The following OSBPL11 variants were observed in gnomAD, a reference collection of about 807,000 sequenced individuals.
OSBPL11 encodes oxysterol-binding protein-related protein 11.
OSBPL11 carries 33 observed loss-of-function variants against 84.4 expected under a neutral mutation model. The observed-to-expected ratio is 0.39, with a 90% confidence interval of 0.30 to 0.52. The LOEUF is 0.52. Ranked by LOEUF, OSBPL11 falls within the 20% of genes least tolerant of loss-of-function variation. OSBPL11 has a pLI of 0.72. For synonymous variants in OSBPL11, 276 were observed against 310.2 expected (o/e 0.89, Z 1.16); for missense variants, 736 against 901.1 (o/e 0.82, Z 2.35).
chr3:125,595,445 G>C lies in OSBPL11; in HGVS notation c.-645C>G, dbSNP rs1369158386. Among the ~76,000 whole-genome samples the C allele has an allele frequency of 6.6e-6, 1 of 152,156 alleles. No homozygotes were observed. The highest frequency in any genetic ancestry group is 1.5e-5 in the Non-Finnish European group (1 of 68,012). ...TGCCCCTGGCCCGGGCCCTCGACTG[G>C]GTTCCCAGGAGCCGGTGAGTCTCTC... On this transcript the variant is annotated 5_prime_UTR_variant, in exon 1 of 13. Transcript: ENST00000296220.
At chr3:125,589,336 C>T (rs1936562556) in intron 1 of OSBPL11, among the ~76,000 whole-genome samples, 1 of 126,862 alleles carries the variant, frequency 7.9e-6, no homozygotes, top group Non-Finnish European at 1.6e-5. Flanking sequence ...GAGTGAAACT[C>T]CATCTCAAAA....
rs547937699 is a variant in OSBPL11, at chr3:125,580,034, A to G, written c.240T>C (p.Phe80=). ...ACAGCCCAGCTTCATTGTTTAAAAC[A>G]AAAAACCTGTAATGATTTTTTAAAA... ...NLVTGWQYRF[F]VLNNEAGLLE... is the part of the protein sequence containing the mutation. The change falls in exon 3 of 13, where the codon TTT becomes TTC. Residue 80 remains phenylalanine (F), a synonymous_variant. Transcript: ENST00000296220. The G allele has an allele frequency of 1.2e-6, 2 of 1,603,164 alleles. No individual in the cohort carries two copies. The highest frequency in any genetic ancestry group is 1.7e-6 in the Non-Finnish European group (2 of 1,176,710).
chr3:125,567,925 T>C (rs557814728), intron 5 of OSBPL11, among the ~76,000 whole-genome samples: 53 of 150,006 alleles, frequency 3.5e-4, no homozygotes, highest in Non-Finnish European at 6.7e-4. Flanking sequence ...GCCCAGGAGG[T>C]TGAGGCTGCA....
chr3:125,538,235 C>G (rs1379300277), intron 11 of OSBPL11, among the ~76,000 whole-genome samples: 1 of 152,108 alleles, frequency 6.6e-6, no homozygotes, highest in African/African-American at 2.4e-5. Flanking sequence ...TATTTTTGCT[C>G]CATTTACAAT....
At chr3:125,559,156 T>A (rs541833954) in intron 8 of OSBPL11, among the ~76,000 whole-genome samples, 2 of 152,224 alleles carry the variant, frequency 1.3e-5, no homozygotes, top group African/African-American at 4.8e-5. Context: ...ATATTTACTA[T>A]CTGGCCCTTT....
intron 10 of OSBPL11, among the ~76,000 whole-genome samples, chr3:125,543,055 T>G (rs1475671076): frequency 6.6e-6 from 1 of 152,140 alleles, no homozygotes; most frequent in African/African-American, 2.4e-5. Context: ...CCAGTTCTGT[T>G]GAGGGTCTTA....
At chr3:125,566,221 G>T (rs1292623617) in intron 6 of OSBPL11, among the ~76,000 whole-genome samples, 1 of 152,088 alleles carries the variant, frequency 6.6e-6, no homozygotes, top group Non-Finnish European at 1.5e-5. Context: ...GGCCAGGCTG[G>T]TCTCAAACTC....
Position 125,594,886 on chromosome 3 carries a change from A to T in OSBPL11, c.-86T>A. ...GGTGACTTTTTTTTTTTAAGATTTG[A>T]TCTGAATATGATACCGGTTGCTAAA... is the stretch of plus-strand genomic sequence containing the variant. On this transcript the variant is annotated 5_prime_UTR_variant, in exon 1 of 13. Transcript: ENST00000296220. 1 of 1,443,630 alleles carries T rather than the reference A, an allele frequency of 6.9e-7. No homozygotes were observed. The highest frequency in any genetic ancestry group is 9.4e-7 in the Non-Finnish European group (1 of 1,066,782). 89.4% of individuals were successfully genotyped at this position (1,443,630 alleles called of 1,614,324 possible). A position where few individuals can be genotyped will look rare whatever the true frequency, so the allele number is the denominator to read the frequency against.
intron 5 of OSBPL11, among the ~76,000 whole-genome samples, chr3:125,570,571 G>A (rs1179164171): frequency 6.6e-6 from 1 of 152,178 alleles, no homozygotes; most frequent in Non-Finnish European, 1.5e-5. Context: ...GAATTTCTGT[G>A]TGTTGTGGGA....
chr3:125,573,718 G>C (rs1045297515), intron 5 of OSBPL11, among the ~76,000 whole-genome samples: 1 of 151,746 alleles, frequency 6.6e-6, no homozygotes, highest in Admixed American at 6.6e-5. Context: ...TACAAAATTA[G>C]CCGGGCATGG....
At position 125,538,464 on chromosome 3, in the gene OSBPL11, G is replaced by A; in HGVS notation, c.2011C>T (p.Pro671Ser). Residue 671 changes from proline to serine, a missense_variant, in exon 11 of 13, where the codon CCA becomes TCA. Pro to Ser is a moderately conservative substitution (Grantham distance 74, BLOSUM62 -1). This residue lies in a region of OSBPL11 where 579 missense variants were observed against 717.6 expected (regional missense o/e 0.81). Transcript: ENST00000296220. ...AGGATGACATACCTGGATTCAAATG[G>A]ATCCTGCTTCTCCAGAGGTCTCACT... ...KRVRPLEKQD[P>S]FESRRLWKNV... The A allele has an allele frequency of 6.2e-7, 1 of 1,613,446 alleles. No individual in the cohort carries two copies. Among genetic ancestry groups the A allele is most frequent in the Non-Finnish European group, 8.5e-7 (1 of 1,179,640 alleles).
chr3:125,547,718 T>C (rs1446374255), intron 9 of OSBPL11, 126 bp from the exon 10 acceptor site: 4 of 682,658 alleles, frequency 5.9e-6, no homozygotes, highest in Non-Finnish European at 9.4e-6. Context: ...CATTTAACTT[T>C]CAATGAAACT....
In OSBPL11 at chr3:125,552,479, G is replaced by T. The variant is rs1935927830; in HGVS notation, c.1356C>A (p.Ile452=). The T allele has an allele frequency of 6.2e-7, 1 of 1,614,178 alleles. No individual in the cohort carries two copies. The highest frequency in any genetic ancestry group is 2.2e-5 in the East Asian group (1 of 44,878). The change falls in exon 9 of 13, where the codon ATC becomes ATA. Residue 452 remains isoleucine (I), a synonymous_variant. Coordinates refer to ENST00000296220, the MANE Select transcript of OSBPL11 (RefSeq NM_022776.5). The part of the protein sequence containing the change: ...GAIAKKPYNP[I]IGETFHCSWK... ...AGGAACAGTGAAATGTTTCTCCAAT[G>T]ATAGGATTGTATGGTTTTTTAGCAA...
intron 5 of OSBPL11, among the ~76,000 whole-genome samples, chr3:125,568,761 T>C (rs1246111964): frequency 1.3e-5 from 2 of 152,216 alleles, no homozygotes; most frequent in African/African-American, 4.8e-5. Flanking sequence ...ATAGAACCAA[T>C]GGAGTAACAA....
At chr3:125,539,326 T>TAC (rs369705357) in intron 10 of OSBPL11, among the ~76,000 whole-genome samples, 2,850 of 120,354 alleles carry the variant, frequency 0.024, 64 homozygotes, top group South Asian at 0.055. Flanking sequence ...TATATATATA[T>TAC]ATATATATAT....
intron 1 of OSBPL11, among the ~76,000 whole-genome samples, chr3:125,590,517 C>A (rs1394467040): frequency 1.3e-5 from 2 of 151,822 alleles, no homozygotes; most frequent in African/African-American, 4.8e-5. Context: ...GATCTGCCAC[C>A]GCACTCCAGC....
At chr3:125,573,771 G>C (rs375980922) in intron 5 of OSBPL11, among the ~76,000 whole-genome samples, 7 of 150,832 alleles carry the variant, frequency 4.6e-5, no homozygotes, top group African/African-American at 1.7e-4. Context: ...ATGTGGGAGG[G>C]TGAGGCAGGA....
intron 5 of OSBPL11, among the ~76,000 whole-genome samples, chr3:125,573,344 A>AT (rs1262108974): frequency 1.3e-5 from 2 of 152,140 alleles, no homozygotes; most frequent in Non-Finnish European, 2.9e-5. Flanking sequence ...TAGAATCGTG[A>AT]TTTTAATCAC....
chr3:125,582,735 T>C (rs1936447873), intron 2 of OSBPL11, among the ~76,000 whole-genome samples, 175 bp downstream of exon 2: 1 of 152,200 alleles, frequency 6.6e-6, no homozygotes, highest in Non-Finnish European at 1.5e-5. Context: ...TGGACAGATG[T>C]CAACTTTTCC....
Sources: gnomAD v4.1 joint callset for allele counts (sites outside exome capture counted in the v4.1 genomes callset) on GRCh38, gnomAD v4.1.1 for gene constraint, gnomAD v4.1.1 regional missense constraint, MANE v1.5 for transcripts, NCBI Gene and HGNC (gene_info 2026-07-23, HGNC 2026-07-21) for gene names.